Variants in ARHGEF10L observed in about 807,000 individuals in gnomAD.
ARHGEF10L encodes Rho guanine nucleotide exchange factor 10 like.
Under a neutral mutation model 141.2 loss-of-function variants are expected in ARHGEF10L, and 69 were observed. That is an observed-to-expected ratio of 0.49 (90% CI 0.40 to 0.60). The LOEUF is 0.60. Among genes scored for constraint, ARHGEF10L ranks in the 20% least tolerant of loss-of-function variants. The pLI is 0.00. For synonymous variants in ARHGEF10L, 711 were observed against 718.5 expected, an observed-to-expected ratio of 0.99 and a Z score of 0.17; for missense variants, 1,482 against 1,734.3, an observed-to-expected ratio of 0.85 and a Z score of 2.58.
chr1:17,627,364 A>G lies in ARHGEF10L; in HGVS notation c.1445A>G (p.Asp482Gly). 1 of 1,614,112 alleles carries G rather than the reference A, an allele frequency of 6.2e-7. No individual in the cohort carries two copies. Among genetic ancestry groups the G allele is most frequent in the South Asian group, 1.1e-5 (1 of 91,088 alleles). The change falls in exon 15 of 29, where the codon GAC (aspartate) becomes GGC (glycine). Residue 482 changes from aspartate to glycine, a missense_variant. Physicochemically the swap from Asp to Gly is moderately conservative, Grantham distance 94 (BLOSUM62 -1). This residue lies in a region of ARHGEF10L where 392 missense variants were observed against 542.1 expected (regional missense o/e 0.72). Transcript: ENST00000361221. The surrounding 1 kb of genome is among the most constrained non-coding windows in gnomAD (Gnocchi z 4.0). The stretch of plus-strand genomic sequence containing the variant: ...AAGAACACCCCCAGGGGCCATCCGG[A>G]CAGGCTGTCGCTGCAGCTGGCCCTC... ...MLKNTPRGHP[D>G]RLSLQLALTE...
chr1:17,566,490 T>C (rs1426708166), intron 1 of ARHGEF10L, among the ~76,000 whole-genome samples: 3 of 152,268 alleles, frequency 2.0e-5, no homozygotes, highest in African/African-American at 7.2e-5. Flanking sequence ...ATCAGTGATC[T>C]GGTTTGGCAT....
At chr1:17,550,560 C>T (rs952328438) in intron 1 of ARHGEF10L, among the ~76,000 whole-genome samples, 3 of 151,226 alleles carry the variant, frequency 2.0e-5, no homozygotes, top group Admixed American at 6.6e-5. Flanking sequence ...GAGAATTGCT[C>T]GAACCCAGGA....
Position 17,624,003 on chromosome 1 carries a change from G to A in ARHGEF10L, c.1201-384G>A, listed in dbSNP as rs534560699. On this transcript the variant is annotated intron_variant, in intron 12 of 28. Coordinates refer to ENST00000361221, the MANE Select transcript of ARHGEF10L (RefSeq NM_018125.4). ...GGCCAGGAGCACTTTCCTTAAAGGT[G>A]GAGGGCAAGGGGCATTCGATTTCCT... Among the ~76,000 whole-genome samples the A allele has an allele frequency of 2.6e-4, 40 of 152,268 alleles. 1 individual carries two copies. The South Asian group carries it at 7.9e-3, about 30-fold the overall frequency.
chr1:17,656,650 C>T lies in ARHGEF10L; in HGVS notation c.2802C>T (p.Pro934=), dbSNP rs201915955. The T allele has an allele frequency of 5.1e-4, 827 of 1,613,744 alleles. 1 individual carries two copies. The highest frequency in any genetic ancestry group is 3.5e-4 in the Non-Finnish European group (416 of 1,180,026). The part of the protein sequence containing the change: ...LQPVLCLRHS[P]FHLLAGLQDG... ...CTGTGCTCTGCCTGCGACACAGCCC[C>T]TTCCACCTGCTCGCTGGCCTGCAGG... The change falls in exon 25 of 29, where the codon CCC becomes CCT. Residue 934 remains proline, a synonymous_variant. Coordinates refer to ENST00000361221, the MANE Select transcript of ARHGEF10L (RefSeq NM_018125.4). This position sits in a 1 kb window ranked among gnomAD's most constrained non-coding sequence, Gnocchi z 4.9.
At chr1:17,562,053 T>C (rs1303238178) in intron 1 of ARHGEF10L, among the ~76,000 whole-genome samples, 1 of 152,230 alleles carries the variant, frequency 6.6e-6, no homozygotes, top group Non-Finnish European at 1.5e-5. Flanking sequence ...CCAACATTTA[T>C]TGAAGACTTG....
intron 11 of ARHGEF10L, 97 bp from the exon 12 acceptor site, chr1:17,622,898 CG>C: frequency 7.6e-7 from 1 of 1,315,926 alleles, no homozygotes; most frequent in Non-Finnish European, 1.0e-6. Flanking sequence ...CTCCGTGCCA[CG>C]GGAAGGCCCA....
intron 1 of ARHGEF10L, among the ~76,000 whole-genome samples, chr1:17,559,750 G>A (rs1039173875): frequency 3.9e-5 from 6 of 152,172 alleles, no homozygotes; most frequent in African/African-American, 1.4e-4. Flanking sequence ...TGGGGCCCAG[G>A]GTCTTCAGAA....
At chr1:17,565,581 C>T (rs1187312090) in intron 1 of ARHGEF10L, among the ~76,000 whole-genome samples, 1 of 152,348 alleles carries the variant, frequency 6.6e-6, no homozygotes, top group East Asian at 1.9e-4. Flanking sequence ...CTGCTATTGT[C>T]AACACTGTTC....
Position 17,621,857 on chromosome 1 carries a change from C to T in ARHGEF10L, c.943-7C>T, listed in dbSNP as rs751367085. The T allele has an allele frequency of 3.1e-5, 50 of 1,613,876 alleles. No homozygotes were observed. The highest frequency in any genetic ancestry group is 1.6e-4 in the Middle Eastern group (1 of 6,070). Reference sequence around the variant, plus strand: ...TGTGCGCTGACCGTGCTTTTTGGCCCGAGCAGGTGGTCCGGAGGCATATCC... The same window carrying T: ...TGTGCGCTGACCGTGCTTTTTGGCCTGAGCAGGTGGTCCGGAGGCATATCC... On this transcript the variant is annotated splice_region_variant and splice_polypyrimidine_tract_variant and intron_variant, in intron 10 of 28. Transcript: ENST00000361221. The surrounding 1 kb of genome is among the most constrained non-coding windows in gnomAD (Gnocchi z 4.1).
rs186564098 is a variant in ARHGEF10L, at chr1:17,627,012, C to G, written c.1411-318C>G. On this transcript the variant is annotated intron_variant, in intron 14 of 28. Transcript: ENST00000361221. This position sits in a 1 kb window ranked among gnomAD's most constrained non-coding sequence, Gnocchi z 4.0. ...ACATTTTGTTTACGCGTTAGTCTGT[C>G]GACGGACATTTTTGCCTCCACATTT... Among the ~76,000 whole-genome samples, 25 of 152,340 alleles carry G rather than the reference C, an allele frequency of 1.6e-4. No individual in the cohort carries two copies. The highest frequency in any genetic ancestry group is 6.0e-4 in the African/African-American group (25 of 41,582).
Position 17,603,724 on chromosome 1 carries a change from A to T in ARHGEF10L, c.433+133A>T. The T allele has an allele frequency of 1.2e-6, 1 of 810,570 alleles. No individual in the cohort carries two copies. Among genetic ancestry groups the T allele is most frequent in the Non-Finnish European group, 1.8e-6 (1 of 547,734 alleles). The allele number at this position is 810,570 out of a possible 1,614,324, so 50.2% of individuals were successfully genotyped here. ...GCCCCTCCTTCTTGTCTTTAGAAACAACTGTAGTCATCGGGGAGAATCTGG... is the reference window on the plus strand; with the variant it reads ...GCCCCTCCTTCTTGTCTTTAGAAACTACTGTAGTCATCGGGGAGAATCTGG... On this transcript the variant is annotated intron_variant, in intron 6 of 28. Transcript: ENST00000361221. This position sits in a 1 kb window ranked among gnomAD's most constrained non-coding sequence, Gnocchi z 4.8.
intron 7 of ARHGEF10L, among the ~76,000 whole-genome samples, chr1:17,611,658 A>C (rs1210096624): frequency 6.6e-6 from 1 of 152,146 alleles, no homozygotes; most frequent in African/African-American, 2.4e-5. Context: ...TTGAATACTT[A>C]ATAAGCTCTG....
intron 27 of ARHGEF10L, among the ~76,000 whole-genome samples, chr1:17,690,846 G>T (rs550256898): frequency 2.6e-5 from 4 of 152,218 alleles, no homozygotes; most frequent in Non-Finnish European, 5.9e-5. Context: ...TCCACCCCAC[G>T]TTGTGCCTTT....
intron 26 of ARHGEF10L, among the ~76,000 whole-genome samples, chr1:17,667,870 C>G (rs1286159914): frequency 6.6e-6 from 1 of 152,174 alleles, no homozygotes; most frequent in African/African-American, 2.4e-5. Flanking sequence ...AAGACAGCAG[C>G]CCTTGCCTGT....
the ARHGEF10L span, among the ~76,000 whole-genome samples, chr1:17,528,002 G>A: frequency 6.6e-6 from 1 of 151,576 alleles, no homozygotes; most frequent in East Asian, 2.0e-4. Context: ...CTGAGTGGCT[G>A]GGACCACAGG....
intron 2 of ARHGEF10L, among the ~76,000 whole-genome samples, chr1:17,586,783 G>T (rs949336886): frequency 1.8e-4 from 28 of 152,076 alleles, no homozygotes; most frequent in Admixed American, 3.3e-4. Context: ...GGTAGGCGGG[G>T]ACAGTCTCTC....
intron 7 of ARHGEF10L, among the ~76,000 whole-genome samples, chr1:17,609,578 C>T (rs1289992719): frequency 2.0e-5 from 3 of 152,178 alleles, no homozygotes; most frequent in Non-Finnish European, 4.4e-5. Flanking sequence ...TCATCATGAT[C>T]AGTGTGGTAC....
At chr1:17,516,672 G>C in the ARHGEF10L span, among the ~76,000 whole-genome samples, 8 of 152,156 alleles carry the variant, frequency 5.3e-5, no homozygotes, top group Non-Finnish European at 1.0e-4. Context: ...TCCTTGCCAG[G>C]GTTAAGGAAA....
chr1:17,657,105 G>A (rs2062314179), intron 25 of ARHGEF10L, among the ~76,000 whole-genome samples: 1 of 152,190 alleles, frequency 6.6e-6, no homozygotes, highest in Non-Finnish European at 1.5e-5. Flanking sequence ...CATGGGTCCT[G>A]GAGGGTTAGA....
Sources: gnomAD v4.1 joint callset for allele counts (sites outside exome capture counted in the v4.1 genomes callset) on GRCh38, gnomAD v4.1.1 for gene constraint, gnomAD v4.1.1 regional missense constraint, Gnocchi (gnomAD v3.1) non-coding constraint, MANE v1.5 for transcripts, NCBI Gene and HGNC (gene_info 2026-07-23, HGNC 2026-07-21) for gene names.